Variants in CMIP observed in about 807,000 individuals in gnomAD.
CMIP encodes c-Maf inducing protein, also known as C-Maf-inducing protein.
A neutral mutation model predicts 97.3 loss-of-function variants in CMIP; 13 were observed. That is an observed-to-expected ratio of 0.13 (90% CI 0.09 to 0.21). The LOEUF is 0.21. Ranked by LOEUF, CMIP falls within the 10% of genes least tolerant of loss-of-function variation. CMIP has a pLI of 1.00. For synonymous variants in CMIP, 538 were observed against 436.3 expected, an observed-to-expected ratio of 1.23 and a Z score of -2.91; for missense variants, 847 against 1,024.9, an observed-to-expected ratio of 0.83 and a Z score of 2.37.
chr16:81,695,967 G>C (rs898050980), intron 13 of CMIP: 1 of 155,958 alleles, frequency 6.4e-6, no homozygotes, highest in African/African-American at 2.4e-5. Context: ...TGGAGGGGAG[G>C]ATGGTGCCTG....
intron 3 of CMIP, among the ~76,000 whole-genome samples, chr16:81,648,490 C>A (rs2092390734): frequency 6.6e-6 from 1 of 152,084 alleles, no homozygotes; most frequent in Admixed American, 6.6e-5. Flanking sequence ...CAGTCAGAAG[C>A]CCTGAAGAGT....
intron 1 of CMIP, among the ~76,000 whole-genome samples, chr16:81,525,787 A>AC (rs2090119823): frequency 6.6e-6 from 1 of 152,034 alleles, no homozygotes; most frequent in African/African-American, 2.4e-5. Context: ...CCTACTCCCG[A>AC]CCCCTGGCAA....
chr16:81,606,350 A>G (rs1308400892), intron 1 of CMIP, among the ~76,000 whole-genome samples: 1 of 152,174 alleles, frequency 6.6e-6, no homozygotes, highest in African/African-American at 2.4e-5. Context: ...GGTGCATGGG[A>G]GAGCCAGGGA....
chr16:81,677,710 G>T (rs918319535), intron 9 of CMIP, among the ~76,000 whole-genome samples: 15 of 152,202 alleles, frequency 9.9e-5, no homozygotes. Context: ...AGTTAAAGAT[G>T]CTGTGCCTGG....
intron 1 of CMIP, among the ~76,000 whole-genome samples, chr16:81,526,832 A>C (rs2090142463): frequency 6.6e-6 from 1 of 152,240 alleles, no homozygotes; most frequent in East Asian, 1.9e-4. Context: ...TGTGGAAGGC[A>C]ACCCAACTTC....
intron 1 of CMIP, among the ~76,000 whole-genome samples, chr16:81,577,610 A>T (rs1199682362): frequency 7.3e-6 from 1 of 136,086 alleles, no homozygotes; most frequent in Non-Finnish European, 1.5e-5. Context: ...TTACCACTAC[A>T]TTATTATCAC....
At chr16:81,656,090 C>A (rs1298263966) in intron 4 of CMIP, among the ~76,000 whole-genome samples, 1 of 152,230 alleles carries the variant, frequency 6.6e-6, no homozygotes, top group South Asian at 2.1e-4. Context: ...AAAAAACATC[C>A]TTTCACATGC....
At position 81,670,113 on chromosome 16, in the gene CMIP, C is replaced by T. The variant is rs770150059; in HGVS notation, c.826-29C>T. 6 of 1,587,732 alleles carry T rather than the reference C, an allele frequency of 3.8e-6. No individual in the cohort carries two copies. In the South Asian group the frequency reaches 4.6e-5, roughly 12 times the overall value. ...GGCTCCTGCCCTGCCTAGCACCGTC[C>T]CGACTCCTGTCCTCTGCTGTCTCCA... On this transcript the variant is annotated intron_variant, in intron 7 of 20. Coordinates refer to ENST00000537098, the MANE Select transcript of CMIP (RefSeq NM_198390.3).
intron 1 of CMIP, among the ~76,000 whole-genome samples, chr16:81,593,114 G>T (rs1228633093): frequency 6.6e-6 from 1 of 152,152 alleles, no homozygotes; most frequent in Non-Finnish European, 1.5e-5. Context: ...GCCATAAAAG[G>T]GGGTGGCTGC....
At chr16:81,603,342 A>G (rs755519303) in intron 1 of CMIP, 2 of 453,106 alleles carry the variant, frequency 4.4e-6, no homozygotes, top group Admixed American at 2.4e-5. Flanking sequence ...TTGGCCTCCC[A>G]AAGTGCTGGG....
At chr16:81,482,307 C>T (rs1176908991) in intron 1 of CMIP, among the ~76,000 whole-genome samples, 1 of 152,152 alleles carries the variant, frequency 6.6e-6, no homozygotes, top group East Asian at 1.9e-4. Context: ...CACATAGTCA[C>T]AGGTTGAAGG....
At chr16:81,570,815 C>T (rs938758771) in intron 1 of CMIP, among the ~76,000 whole-genome samples, 2 of 152,188 alleles carry the variant, frequency 1.3e-5, no homozygotes, top group Admixed American at 1.3e-4. Context: ...TCCACCAAGG[C>T]CACCAGTGAT....
chr16:81,569,566 C>A (rs1028991841), intron 1 of CMIP, among the ~76,000 whole-genome samples: 1 of 152,228 alleles, frequency 6.6e-6, no homozygotes, highest in Admixed American at 6.5e-5. Context: ...GCCAAGGAGG[C>A]AAGCGGGCCA....
intron 1 of CMIP, among the ~76,000 whole-genome samples, chr16:81,467,062 A>T (rs1165325376): frequency 6.6e-6 from 1 of 152,248 alleles, no homozygotes; most frequent in African/African-American, 2.4e-5. Context: ...CTGGGCAGGA[A>T]CAAGGATCTT....
intron 10 of CMIP, among the ~76,000 whole-genome samples, chr16:81,687,363 C>T (rs9940974): frequency 0.03 from 4,515 of 152,236 alleles, 210 homozygotes; most frequent in African/African-American, 0.1. Context: ...GTGGCCACCC[C>T]TCACTTTATG....
chr16:81,556,321 AG>A lies in CMIP; in HGVS notation c.301-51245del, dbSNP rs1194867027. Among the ~76,000 whole-genome samples, 6 of 152,280 alleles carry A rather than the reference AG, an allele frequency of 3.9e-5. No individual in the cohort carries two copies. The South Asian group carries it at 1.2e-3, about 32-fold the overall frequency. ...TTGCTTCCACCTTTTGGCTACTTAG[AG>A]TAATGCTTCTCTGAACACGGGTGCG... On this transcript the variant is annotated intron_variant, in intron 1 of 20. Coordinates refer to ENST00000537098, the MANE Select transcript of CMIP (RefSeq NM_198390.3).
chr16:81,500,633 C>T (rs999985994), intron 1 of CMIP, among the ~76,000 whole-genome samples: 59 of 151,782 alleles, frequency 3.9e-4, no homozygotes, highest in African/African-American at 1.3e-3. Flanking sequence ...GGACTACAGG[C>T]GCGTGCCACC....
chr16:81,701,608 T>C, intron 15 of CMIP, 52 bp from the exon 16 acceptor site: 1 of 1,612,676 alleles, frequency 6.2e-7, no homozygotes, highest in Non-Finnish European at 8.5e-7. Flanking sequence ...CAGAGTGTGC[T>C]GAGCTAGGGT....
At chr16:81,604,476 G>T (rs374205351) in intron 1 of CMIP, among the ~76,000 whole-genome samples, 3 of 150,022 alleles carry the variant, frequency 2.0e-5, no homozygotes, top group Non-Finnish European at 4.4e-5. Context: ...GAAGCAGGTG[G>T]ATCACAAGGT....
Sources: gnomAD v4.1 joint callset for allele counts (sites outside exome capture counted in the v4.1 genomes callset) on GRCh38, gnomAD v4.1.1 for gene constraint, MANE v1.5 for transcripts, NCBI Gene and HGNC (gene_info 2026-07-23, HGNC 2026-07-21) for gene names.